The following TAS2R1 variants were observed in gnomAD, a reference collection of about 807,000 sequenced individuals.
TAS2R1 encodes the protein taste receptor type 2 member 1.
For missense variants in TAS2R1, 370 were observed against 353.4 expected (o/e 1.05, Z -0.38); for synonymous variants, 141 against 134.2 (o/e 1.05, Z -0.35).
the TAS2R1 span, among the ~76,000 whole-genome samples, chr5:9,748,231 TTTTA>T: frequency 4.6e-5 from 7 of 152,086 alleles, no homozygotes; most frequent in Non-Finnish European, 1.0e-4. Context: ...AGGTCTAAAT[TTTTA>T]TTTATTTATT....
the TAS2R1 span, among the ~76,000 whole-genome samples, chr5:9,900,779 C>A: frequency 2.6e-5 from 4 of 152,192 alleles, no homozygotes; most frequent in East Asian, 7.7e-4. Context: ...TGCCACCATG[C>A]CCGGCTAATT....
chr5:9,887,594 C>T, the TAS2R1 span, among the ~76,000 whole-genome samples: 1 of 152,186 alleles, frequency 6.6e-6, no homozygotes, highest in South Asian at 2.1e-4. Context: ...TTCTCCTGAA[C>T]CACACTCTAT....
rs1739850445 is a variant in TAS2R1 at position 9,630,340 on chromosome 5, C to T, written c.-308G>A. On this transcript the variant is annotated 5_prime_UTR_variant, in exon 1 of 1. Coordinates refer to ENST00000382492, the MANE Select transcript of TAS2R1 (RefSeq NM_019599.3). ...AATAATGGAATCAGACACCTTCAGACAGCTGGGAGAACAGCTCCTCCATAG... is the reference window on the plus strand; with the variant it reads ...AATAATGGAATCAGACACCTTCAGATAGCTGGGAGAACAGCTCCTCCATAG... 4.7e-6 allele frequency: 1 copy of T among 213,104 alleles called. No individual in the cohort carries two copies. Among genetic ancestry groups the T allele is most frequent in the African/African-American group, 2.3e-5 (1 of 43,138 alleles). The allele number at this position is 213,104 out of a possible 1,614,324, so 13.2% of individuals were successfully genotyped here.
chr5:9,895,036 T>C, the TAS2R1 span, among the ~76,000 whole-genome samples: 4 of 152,242 alleles, frequency 2.6e-5, no homozygotes, highest in East Asian at 5.8e-4. Flanking sequence ...TGAACAAGTA[T>C]AGCTGCAACT....
the TAS2R1 span, among the ~76,000 whole-genome samples, chr5:9,823,462 AGGAAGGGAGGGAAAAGGGAAG>A: frequency 6.5e-5 from 9 of 138,442 alleles, no homozygotes; most frequent in Non-Finnish European, 1.1e-4. Flanking sequence ...GGAGGAAGGG[AGGAAGGGAGGGAAAAGGGAAG>A]GGAAGGGAAG....
chr5:9,740,528 T>A, the TAS2R1 span, among the ~76,000 whole-genome samples: 1 of 152,170 alleles, frequency 6.6e-6, no homozygotes, highest in Non-Finnish European at 1.5e-5. Flanking sequence ...AAAGACAAAT[T>A]TACACTGGAA....
At chr5:9,757,962 A>G in the TAS2R1 span, among the ~76,000 whole-genome samples, 1 of 152,154 alleles carries the variant, frequency 6.6e-6, no homozygotes, top group Non-Finnish European at 1.5e-5. Context: ...TACAGTTAAT[A>G]TCAATAATTT....
chr5:9,676,844 G>A (rs1280916067), intron 1 of TAS2R1, among the ~76,000 whole-genome samples: 1 of 152,132 alleles, frequency 6.6e-6, no homozygotes, highest in Non-Finnish European at 1.5e-5. Context: ...GGAAGACAGT[G>A]TGGCTATTCC....
At chr5:9,700,124 A>C (rs1234835686) in intron 1 of TAS2R1, among the ~76,000 whole-genome samples, 1 of 152,218 alleles carries the variant, frequency 6.6e-6, no homozygotes, top group East Asian at 1.9e-4. Flanking sequence ...AATCCATAGA[A>C]TCCTGAACAC....
chr5:9,738,230 T>G, the TAS2R1 span, among the ~76,000 whole-genome samples: 4 of 152,192 alleles, frequency 2.6e-5, no homozygotes, highest in Non-Finnish European at 5.9e-5. Context: ...TTACCACCCA[T>G]TCTCAGAGTT....
chr5:9,770,507 T>C, the TAS2R1 span, among the ~76,000 whole-genome samples: 1 of 152,192 alleles, frequency 6.6e-6, no homozygotes, highest in Non-Finnish European at 1.5e-5. Flanking sequence ...CTTTGGTTAG[T>C]ATGGACATTT....
At chr5:9,719,699 C>T in the TAS2R1 span, among the ~76,000 whole-genome samples, 7 of 152,038 alleles carry the variant, frequency 4.6e-5, no homozygotes, top group South Asian at 1.2e-3. Flanking sequence ...GAGGCCGAGG[C>T]GGGCGGATCA....
the TAS2R1 span, among the ~76,000 whole-genome samples, chr5:9,856,152 T>A: frequency 2.0e-5 from 3 of 152,130 alleles, no homozygotes; most frequent in African/African-American, 7.2e-5. Context: ...AACGTCTCCT[T>A]ATAAGAATTT....
At chr5:9,775,715 T>C in the TAS2R1 span, among the ~76,000 whole-genome samples, 487 of 151,602 alleles carry the variant, frequency 3.2e-3, 4 homozygotes, top group African/African-American at 0.011. Flanking sequence ...TGGCCCAGGG[T>C]ATATCTAGAA....
At chr5:9,824,520 A>G in the TAS2R1 span, among the ~76,000 whole-genome samples, 1 of 152,140 alleles carries the variant, frequency 6.6e-6, no homozygotes, top group African/African-American at 2.4e-5. Flanking sequence ...AAGCTTTTCT[A>G]ACAGGATTAC....
the TAS2R1 span, among the ~76,000 whole-genome samples, chr5:9,804,268 T>G: frequency 6.6e-6 from 1 of 152,046 alleles, no homozygotes; most frequent in African/African-American, 2.4e-5. Flanking sequence ...ACCTAAGAAA[T>G]GACATTGATG....
At chr5:9,636,451 TC>T (rs961105120) in intron 2 of TAS2R1, among the ~76,000 whole-genome samples, 2 of 152,156 alleles carry the variant, frequency 1.3e-5, no homozygotes, top group Non-Finnish European at 2.9e-5. Context: ...ATCTATTAAG[TC>T]CATTTGTTCT....
At chr5:9,722,163 G>T in the TAS2R1 span, among the ~76,000 whole-genome samples, 4 of 152,172 alleles carry the variant, frequency 2.6e-5, no homozygotes, top group Non-Finnish European at 5.9e-5. Context: ...AGGACCTGAG[G>T]CCCTCAATCC....
At chr5:9,649,916 C>A (rs565121087) in intron 2 of TAS2R1, among the ~76,000 whole-genome samples, 1 of 152,228 alleles carries the variant, frequency 6.6e-6, no homozygotes, top group African/African-American at 2.4e-5. Flanking sequence ...GAATACTTAA[C>A]AAATGTGCCT....
Sources: allele counts gnomAD v4.1 joint callset (sites outside exome capture counted in the v4.1 genomes callset), GRCh38; gene constraint gnomAD v4.1.1; transcripts MANE v1.5; gene names NCBI Gene and HGNC (gene_info 2026-07-23, HGNC 2026-07-21).